Variants in ITGA2 observed in about 807,000 individuals in gnomAD.
The protein encoded by ITGA2 is integrin subunit alpha 2, also known as integrin alpha-2.
ITGA2 carries 101 observed loss-of-function variants against 146.3 expected under a neutral mutation model. The observed-to-expected ratio is 0.69, with a 90% CI of 0.59 to 0.81. The LOEUF is 0.81. Ranked by LOEUF, ITGA2 falls within the 40% of genes least tolerant of loss-of-function variation. The probability of loss-of-function intolerance (pLI) is 0.00; values close to 1 mark genes in which losing one functional copy is unlikely to be tolerated. For synonymous variants in ITGA2, 477 were observed against 487.1 expected (o/e 0.98, Z 0.27); for missense variants, 1,281 against 1,402.7 (o/e 0.91, Z 1.39).
chr5:53,053,033 C>T (rs1744454980), intron 7 of ITGA2, among the ~76,000 whole-genome samples: 1 of 152,192 alleles, frequency 6.6e-6, no homozygotes, highest in South Asian at 2.1e-4. Context: ...CTTTTCCCTA[C>T]CACTCCTCAT....
At chr5:52,997,139 G>A (rs965858045) in intron 1 of ITGA2, among the ~76,000 whole-genome samples, 2 of 152,178 alleles carry the variant, frequency 1.3e-5, no homozygotes, top group African/African-American at 4.8e-5. Context: ...AACTTGAACT[G>A]CATATTTGGC....
At chr5:52,989,997 C>T (rs2111636978) in intron 1 of ITGA2, 1 of 195,058 alleles carries the variant, frequency 5.1e-6, no homozygotes, top group East Asian at 1.2e-4. Context: ...CTGCAGCTCC[C>T]CAGCGCGGTG....
chr5:53,003,162 C>G (rs1741672945), intron 1 of ITGA2, among the ~76,000 whole-genome samples: 1 of 152,160 alleles, frequency 6.6e-6, no homozygotes, highest in African/African-American at 2.4e-5. Flanking sequence ...ACAAACTGCC[C>G]TTTGTCTTTT....
chr5:53,031,741 G>A (rs1202520734), intron 2 of ITGA2, among the ~76,000 whole-genome samples: 1 of 152,162 alleles, frequency 6.6e-6, no homozygotes, highest in African/African-American at 2.4e-5. Flanking sequence ...GACCTCCCAA[G>A]TAGAGTACCT....
chr5:53,038,825 T>C (rs1178602887), intron 2 of ITGA2, among the ~76,000 whole-genome samples: 2 of 152,132 alleles, frequency 1.3e-5, no homozygotes, highest in African/African-American at 4.8e-5. Flanking sequence ...GCACAGTGGC[T>C]CACACCAGTA....
chr5:53,082,772 A>C (rs1311725780), intron 26 of ITGA2, among the ~76,000 whole-genome samples: 1 of 152,176 alleles, frequency 6.6e-6, no homozygotes, highest in East Asian at 1.9e-4. Context: ...ACATGTATCC[A>C]CCACTATAGT....
intron 2 of ITGA2, among the ~76,000 whole-genome samples, chr5:53,037,131 A>G (rs1296776672): frequency 6.6e-6 from 1 of 152,204 alleles, no homozygotes; most frequent in African/African-American, 2.4e-5. Context: ...ACCACCATAA[A>G]TACTGCTTGC....
chr5:53,025,292 T>A (rs1742886349), intron 1 of ITGA2, among the ~76,000 whole-genome samples: 1 of 152,220 alleles, frequency 6.6e-6, no homozygotes, highest in Non-Finnish European at 1.5e-5. Context: ...TTTGCATTTT[T>A]TTATTATTCA....
intron 16 of ITGA2, among the ~76,000 whole-genome samples, chr5:53,068,887 G>A (rs964397893): frequency 6.7e-6 from 1 of 149,444 alleles, no homozygotes; most frequent in Non-Finnish European, 1.5e-5. Context: ...AAAAGGAAAA[G>A]CATTATAATG....
intron 2 of ITGA2, among the ~76,000 whole-genome samples, chr5:53,027,500 A>G (rs1344151756): frequency 2.0e-5 from 3 of 152,248 alleles, no homozygotes; most frequent in Admixed American, 2.0e-4. Context: ...GGTGAAAAAC[A>G]ACCACCTCAA....
intron 1 of ITGA2, among the ~76,000 whole-genome samples, chr5:52,993,198 A>C (rs1005258519): frequency 2.0e-5 from 3 of 151,832 alleles, no homozygotes; most frequent in African/African-American, 7.3e-5. Context: ...ACCCTAAACC[A>C]CCTCTCTGGT....
In ITGA2 at chr5:53,080,478, T is replaced by C. The variant is rs557402669; in HGVS notation, c.2929-33T>C. The C allele has an allele frequency of 1.5e-4, 233 of 1,514,354 alleles. 2 individuals are homozygous for C. In the South Asian group the frequency reaches 2.6e-3, roughly 17 times the overall value. 93.8% of individuals were successfully genotyped at this position (1,514,354 alleles called of 1,614,324 possible). ...ATTTCCTTGCATCATGTACATCCTG[T>C]TGCAGTACTGGCACATTTTATTCTC... is the stretch of plus-strand genomic sequence containing the variant. On this transcript the variant is annotated intron_variant, in intron 24 of 29. Transcript: ENST00000296585.
At chr5:53,066,674 C>A (rs1298512277) in intron 15 of ITGA2, among the ~76,000 whole-genome samples, 1 of 151,700 alleles carries the variant, frequency 6.6e-6, no homozygotes, top group Non-Finnish European at 1.5e-5. Context: ...TTTAATGATA[C>A]TATTTACAAA....
Position 53,093,608 on chromosome 5 carries a change from CA to C in ITGA2, c.*3010del, listed in dbSNP as rs1484645509. On this transcript the variant is annotated 3_prime_UTR_variant, in exon 30 of 30. Transcript: ENST00000296585. ...CTCCTGGGGGGCAGTATTTCTCAAG[CA>C]CTTTTAAGCAAAGGTAAGTATTCAT... The C allele has an allele frequency of 6.6e-6, 1 of 152,148 alleles. No individual in the cohort carries two copies. Among genetic ancestry groups the C allele is most frequent in the Admixed American group, 6.5e-5 (1 of 15,270 alleles). 9.4% of individuals were successfully genotyped at this position (152,148 alleles called of 1,614,324 possible).
At chr5:53,065,343 A>G (rs1244919130) in intron 14 of ITGA2, among the ~76,000 whole-genome samples, 1 of 151,970 alleles carries the variant, frequency 6.6e-6, no homozygotes, top group Non-Finnish European at 1.5e-5. Flanking sequence ...GCCTTATATT[A>G]TATTGGAGGA....
intron 29 of ITGA2, 150 bp from the exon 30 acceptor site, chr5:53,090,369 G>C (rs1185195467): frequency 1.4e-6 from 1 of 723,580 alleles, no homozygotes; most frequent in Non-Finnish European, 2.5e-6. Context: ...CTAGCAGGTG[G>C]TAGATATCAG....
rs574669757 is a variant in ITGA2, at chr5:53,084,188, C to G, written c.3258+735C>G. On this transcript the variant is annotated intron_variant, in intron 27 of 29. Coordinates refer to ENST00000296585, the MANE Select transcript of ITGA2 (RefSeq NM_002203.4). ...GATAGACAGGCCTCCTTAAACTGGA[C>G]TGCTTGTGTGGCTAGCATTCCTTTT... Among the ~76,000 whole-genome samples the G allele has an allele frequency of 7.6e-4, 115 of 152,296 alleles. 1 individual carries two copies. The highest frequency in any genetic ancestry group is 4.1e-3 in the Admixed American group (62 of 15,304).
chr5:53,016,827 G>C (rs922509537), intron 1 of ITGA2, among the ~76,000 whole-genome samples: 4 of 151,984 alleles, frequency 2.6e-5, no homozygotes, highest in Non-Finnish European at 5.9e-5. Context: ...TTAATTTGGA[G>C]AACTGGTCTT....
At chr5:53,005,690 A>G (rs550039200) in intron 1 of ITGA2, among the ~76,000 whole-genome samples, 1 of 152,126 alleles carries the variant, frequency 6.6e-6, no homozygotes, top group African/African-American at 2.4e-5. Context: ...TCGTAAAAAC[A>G]AAAAAAATCT....
Sources: gnomAD v4.1 joint callset for allele counts (sites outside exome capture counted in the v4.1 genomes callset) on GRCh38, gnomAD v4.1.1 for gene constraint, MANE v1.5 for transcripts, NCBI Gene and HGNC (gene_info 2026-07-23, HGNC 2026-07-21) for gene names.